The following CTNNA3 variants were observed in gnomAD, a reference collection of about 807,000 sequenced individuals.
CTNNA3 encodes the protein catenin alpha 3.
A neutral mutation model predicts 95.7 loss-of-function variants in CTNNA3; 76 were observed. That is an observed-to-expected ratio of 0.79 (90% CI 0.66 to 0.96). The LOEUF (loss-of-function observed/expected upper bound fraction) is 0.96. Among genes scored for constraint, CTNNA3 ranks in the 40% least tolerant of loss-of-function variants. The pLI is 0.00. For synonymous variants in CTNNA3, 431 were observed against 374.4 expected (o/e 1.15, Z -1.74); for missense variants, 1,191 against 1,089.8 (o/e 1.09, Z -1.31).
At chr10:66,337,771 G>T (rs2092412515) in intron 12 of CTNNA3, among the ~76,000 whole-genome samples, 1 of 152,042 alleles carries the variant, frequency 6.6e-6, no homozygotes, top group South Asian at 2.1e-4. Context: ...AGAATGTAAA[G>T]AAATGAAGAA....
intron 7 of CTNNA3, among the ~76,000 whole-genome samples, chr10:66,989,560 T>C (rs1236199477): frequency 1.3e-5 from 2 of 152,184 alleles, no homozygotes; most frequent in South Asian, 4.1e-4. Context: ...TGAACTCAAA[T>C]ATCCATGTTA....
intron 5 of CTNNA3, among the ~76,000 whole-genome samples, chr10:67,248,970 A>G (rs549985569): frequency 1.3e-4 from 20 of 152,210 alleles, no homozygotes; most frequent in Non-Finnish European, 2.2e-4. Flanking sequence ...TTTTAATATA[A>G]GAGCTAAAAC....
At chr10:66,043,193 A>C (rs1266234634) in intron 15 of CTNNA3, among the ~76,000 whole-genome samples, 4 of 151,656 alleles carry the variant, frequency 2.6e-5, no homozygotes, top group African/African-American at 9.7e-5. Flanking sequence ...AGTTACAAAA[A>C]GATAAATGAT....
chr10:67,013,949 C>T (rs1852492806), intron 7 of CTNNA3, among the ~76,000 whole-genome samples: 1 of 152,068 alleles, frequency 6.6e-6, no homozygotes, highest in Non-Finnish European at 1.5e-5. Context: ...GGTCTAAAAA[C>T]CCACTAAATC....
intron 3 of CTNNA3, among the ~76,000 whole-genome samples, chr10:67,550,002 A>T (rs1218010383): frequency 6.6e-6 from 1 of 152,154 alleles, no homozygotes; most frequent in African/African-American, 2.4e-5. Flanking sequence ...TTTAAAAAGC[A>T]CTTCATTTTT....
intron 7 of CTNNA3, among the ~76,000 whole-genome samples, chr10:66,891,325 C>A (rs1327815496): frequency 2.9e-4 from 44 of 152,254 alleles, no homozygotes; most frequent in Admixed American, 2.5e-3. Flanking sequence ...CCGTAGAAAT[C>A]AGTCTAAGTC....
intron 13 of CTNNA3, among the ~76,000 whole-genome samples, chr10:66,211,053 T>C (rs2088122468): frequency 2.0e-5 from 3 of 152,224 alleles, no homozygotes; most frequent in Non-Finnish European, 4.4e-5. Flanking sequence ...TCCATCATAC[T>C]GTACCATTAA....
chr10:67,514,776 A>T (rs1401126489), intron 5 of CTNNA3, among the ~76,000 whole-genome samples: 1 of 151,036 alleles, frequency 6.6e-6, no homozygotes, highest in East Asian at 1.9e-4. Flanking sequence ...ATTTTGAAAC[A>T]ACCCATAACA....
intron 5 of CTNNA3, among the ~76,000 whole-genome samples, chr10:67,404,236 G>A (rs1443883714): frequency 6.6e-6 from 1 of 151,992 alleles, no homozygotes; most frequent in East Asian, 1.9e-4. Context: ...GATTCCAAAT[G>A]TGGATCTAAA....
rs1841144726 is a variant in CTNNA3, at chr10:66,795,311, T to C, written c.1048-19787A>G. On this transcript the variant is annotated intron_variant, in intron 7 of 17. Transcript: ENST00000433211. The stretch of plus-strand genomic sequence containing the variant: ...TCCATGGGTTACAGAATGGATGTTG[T>C]GTTACCAGGCATGAAAACAACATTC... Among the ~76,000 whole-genome samples, 3 of 152,174 alleles carry C rather than the reference T, an allele frequency of 2.0e-5. 1 individual carries two copies. Among genetic ancestry groups the C allele is most frequent in the Admixed American group, 2.0e-4 (3 of 15,254 alleles).
chr10:67,052,348 C>T (rs12765189), intron 7 of CTNNA3, among the ~76,000 whole-genome samples: 49,279 of 134,142 alleles, frequency 0.37, 8,350 homozygotes, highest in Middle Eastern at 0.56. Context: ...CTCTCTCTCT[C>T]TCTCTCATTA....
At chr10:66,132,357 T>C (rs1172101642) in intron 13 of CTNNA3, among the ~76,000 whole-genome samples, 1 of 152,090 alleles carries the variant, frequency 6.6e-6, no homozygotes, top group African/African-American at 2.4e-5. Context: ...TGAGATACCA[T>C]CTCACACCAG....
intron 7 of CTNNA3, chr10:66,928,433 C>A: frequency 6.2e-7 from 1 of 1,609,578 alleles, no homozygotes; most frequent in Non-Finnish European, 8.5e-7. Flanking sequence ...TATAACAAAT[C>A]GGGCTCCAGG....
intron 15 of CTNNA3, among the ~76,000 whole-genome samples, chr10:66,059,493 C>T (rs2080152661): frequency 6.6e-6 from 1 of 152,128 alleles, no homozygotes; most frequent in South Asian, 2.1e-4. Flanking sequence ...CAACATTCTG[C>T]ATTCCTTTCA....
chr10:66,023,449 T>G (rs962532336), intron 15 of CTNNA3, among the ~76,000 whole-genome samples: 1 of 152,158 alleles, frequency 6.6e-6, no homozygotes, highest in African/African-American at 2.4e-5. Context: ...AGCAGAATGT[T>G]GACTCATATT....
intron 7 of CTNNA3, among the ~76,000 whole-genome samples, chr10:67,022,265 A>G (rs141271780): frequency 6.6e-6 from 1 of 152,322 alleles, no homozygotes; most frequent in East Asian, 1.9e-4. Context: ...ATGAATAGTC[A>G]GTGTTAGAGA....
intron 5 of CTNNA3, among the ~76,000 whole-genome samples, chr10:67,363,369 A>G (rs911888665): frequency 8.5e-5 from 13 of 152,102 alleles, no homozygotes; most frequent in African/African-American, 3.1e-4. Flanking sequence ...AAACTATACT[A>G]CAAGGCTACA....
rs555229884 is a variant in CTNNA3, at chr10:66,331,183, G to C, written c.1732+47969C>G. ...TGGTATTGCCTAGGTTTTCTTCTAG[G>C]GTTTTTATGGTTTTAGGTCTAACGT... On this transcript the variant is annotated intron_variant, in intron 12 of 17. Coordinates refer to ENST00000433211, the MANE Select transcript of CTNNA3 (RefSeq NM_013266.4). Among the ~76,000 whole-genome samples the C allele has an allele frequency of 2.5e-3, 374 of 151,800 alleles. 2 individuals are homozygous for C. The highest frequency in any genetic ancestry group is 8.6e-3 in the African/African-American group (357 of 41,398).
At chr10:66,665,405 T>C (rs559048442) in intron 9 of CTNNA3, among the ~76,000 whole-genome samples, 20 of 152,332 alleles carry the variant, frequency 1.3e-4, no homozygotes, top group African/African-American at 4.3e-4. Context: ...GTATTTTACA[T>C]AGTAAAGCCC....
Sources: allele counts gnomAD v4.1 joint callset (sites outside exome capture counted in the v4.1 genomes callset), GRCh38; gene constraint gnomAD v4.1.1; transcripts MANE v1.5; gene names NCBI Gene and HGNC (gene_info 2026-07-23, HGNC 2026-07-21).